MYO7A: variants seen among roughly 807,000 people sequenced by gnomAD.
MYO7A encodes the protein myosin VIIA.
Under a neutral mutation model 263.8 loss-of-function variants are expected in MYO7A, and 210 were observed. The ratio of observed to expected loss-of-function variants is 0.80; its 90% confidence interval spans 0.71 to 0.89. The LOEUF (loss-of-function observed/expected upper bound fraction) is 0.89, where lower values mean the gene tolerates loss of function less well. Among genes scored for constraint, MYO7A ranks in the 40% least tolerant of loss-of-function variants. The pLI is 0.00. For synonymous variants in MYO7A, 1,239 were observed against 1,197.3 expected, an observed-to-expected ratio of 1.03 and a Z score of -0.72; for missense variants, 2,820 against 2,968.3, an observed-to-expected ratio of 0.95 and a Z score of 1.16.
intron 46 of MYO7A, 124 bp downstream of exon 46, chr11:77,212,061 A>T (rs1957927028): frequency 1.1e-5 from 9 of 819,894 alleles, no homozygotes; most frequent in Admixed American, 2.0e-5. Flanking sequence ...TGAGGGAAGG[A>T]GGGCAGCACC....
In MYO7A at chr11:77,158,184, C is replaced by T. The variant is rs1290009971; in HGVS notation, c.850-93C>T. On this transcript the variant is annotated intron_variant, in intron 8 of 48. Transcript: ENST00000409709. Reference sequence around the variant, plus strand: ...CCCCGGGCTGGCCTGGCCTGTCAGGCAGAAAGGGCCTTTTGGGCAGGCAGC... The same window carrying T: ...CCCCGGGCTGGCCTGGCCTGTCAGGTAGAAAGGGCCTTTTGGGCAGGCAGC... The T allele has an allele frequency of 2.9e-6, 4 of 1,399,082 alleles. No individual in the cohort carries two copies. The East Asian group carries it at 1.1e-4, about 37-fold the overall frequency. The allele number at this position is 1,399,082 out of a possible 1,614,324, so 86.7% of individuals were successfully genotyped here.
rs376164547 is a variant in MYO7A at position 77,211,781 on chromosome 11, C to T, written c.6238-40C>T. 11 of 1,537,072 alleles carry T rather than the reference C, an allele frequency of 7.2e-6. No homozygotes were observed. In the South Asian group the frequency reaches 8.9e-5, roughly 13 times the overall value. ...CTGGCCTGCCCTGAGCAGGCCTGTC[C>T]CCAGGACTGAGCCCAGCCCTGACCG... On this transcript the variant is annotated intron_variant, in intron 45 of 48. Coordinates refer to ENST00000409709, the MANE Select transcript of MYO7A (RefSeq NM_000260.4).
Position 77,208,433 on chromosome 11 carries a change from C to G in MYO7A, c.5860C>G (p.Leu1954Val), listed in dbSNP as rs948962. 35 of 1,609,604 alleles carry G rather than the reference C, an allele frequency of 2.2e-5. No individual in the cohort carries two copies. In the Admixed American group the frequency reaches 5.9e-4, roughly 27 times the overall value. ...SLFVKIADKV[L>V]SVPENDFFFD... ...GCTTCGATGGCCCTGACCCCAGGTC[C>G]TCAGCGTTCCTGAGAATGACTTCTT... Residue 1954 changes from leucine (L) to valine (V), a missense_variant, in exon 43 of 49, where the codon CTC becomes GTC. Coordinates refer to ENST00000409709, the MANE Select transcript of MYO7A (RefSeq NM_000260.4).
At chr11:77,207,230 G>A (rs559760493) in intron 41 of MYO7A, 59 bp from the exon 42 acceptor site, 159 of 1,287,102 alleles carry the variant, frequency 1.2e-4, no homozygotes, top group African/African-American at 1.9e-4. Flanking sequence ...AGAGGGGCCC[G>A]GGAGGACCAG....
chr11:77,172,781 A>G lies in MYO7A; in HGVS notation c.1831A>G (p.Ser611Gly). The part of the protein sequence containing the change: ...AETRKRSPTL[S>G]SQFKRSLELL... Reference sequence around the variant, plus strand: ...GACCAGGAAGCGCTCGCCCACACTTAGCAGCCAGTTCAAGCGGTCACTGGA... The same window carrying G: ...GACCAGGAAGCGCTCGCCCACACTTGGCAGCCAGTTCAAGCGGTCACTGGA... Residue 611 changes from serine (S) to glycine (G), a missense_variant, in exon 16 of 49, where the codon AGC becomes GGC. Physicochemically the swap from Ser to Gly is moderately conservative, Grantham distance 56. Coordinates refer to ENST00000409709, the MANE Select transcript of MYO7A (RefSeq NM_000260.4). 6.4e-7 allele frequency: 1 copy of G among 1,560,202 alleles called. No individual in the cohort carries two copies. Among genetic ancestry groups the G allele is most frequent in the Non-Finnish European group, 8.7e-7 (1 of 1,152,630 alleles).
At chr11:77,156,158 CT>C (rs1952443075) in intron 5 of MYO7A, 67 bp downstream of exon 5, 1 of 1,543,486 alleles carries the variant, frequency 6.5e-7, no homozygotes, top group South Asian at 1.2e-5. Context: ...TGCGCTCCTG[CT>C]GATACCTCTA....
chr11:77,188,936 T>C (rs985548971), intron 27 of MYO7A, among the ~76,000 whole-genome samples: 1 of 152,158 alleles, frequency 6.6e-6, no homozygotes, highest in African/African-American at 2.4e-5. Context: ...CCTGCTGCCG[T>C]GACTATGGGC....
chr11:77,136,131 C>T (rs1950896228), intron 2 of MYO7A, among the ~76,000 whole-genome samples: 1 of 152,206 alleles, frequency 6.6e-6, no homozygotes, highest in Admixed American at 6.5e-5. Flanking sequence ...TTCATTTCTC[C>T]TTCCTTTGTG....
intron 8 of MYO7A, 54 bp from the exon 9 acceptor site, chr11:77,158,222 CT>C: frequency 6.6e-7 from 1 of 1,508,334 alleles, no homozygotes; most frequent in African/African-American, 1.4e-5. Flanking sequence ...GGCACTGCCC[CT>C]CTGGGGGTAC....
intron 18 of MYO7A, among the ~76,000 whole-genome samples, chr11:77,175,942 G>A (rs782369319): frequency 1.3e-5 from 2 of 152,250 alleles, no homozygotes; most frequent in Non-Finnish European, 2.9e-5. Flanking sequence ...TCCCATTGCT[G>A]CCTGGGCAGC....
intron 27 of MYO7A, 48 bp downstream of exon 27, chr11:77,184,763 G>A: frequency 1.3e-6 from 2 of 1,580,280 alleles, no homozygotes; most frequent in Non-Finnish European, 1.7e-6. Context: ...TCTTTTGGTG[G>A]CTGAGTGGTG....
At chr11:77,157,917 G>A (rs1438558898) in intron 8 of MYO7A, among the ~76,000 whole-genome samples, 2 of 152,158 alleles carry the variant, frequency 1.3e-5, no homozygotes, top group African/African-American at 4.8e-5. Flanking sequence ...CTAGGGGGTC[G>A]AGTCCCTGAT....
At chr11:77,210,659 C>T (rs1336064640) in intron 44 of MYO7A, among the ~76,000 whole-genome samples, 1 of 152,190 alleles carries the variant, frequency 6.6e-6, no homozygotes, top group Non-Finnish European at 1.5e-5. Flanking sequence ...GGCCCATTCC[C>T]CAGCCTAAGT....
chr11:77,177,590 C>T lies in MYO7A; in HGVS notation c.2229C>T (p.Ala743=), dbSNP rs781918416. ...TGCTGGAAGTGGAGCGGGACAAAGC[C>T]ATCACCGACAGAGTCATCCTCCTTC... ...DMLLEVERDK[A]ITDRVILLQK... is the part of the protein sequence containing the mutation. The change falls in exon 19 of 49, where the codon GCC becomes GCT. Residue 743 remains alanine (A), a synonymous_variant. Transcript: ENST00000409709. 1 of 1,612,346 alleles carries T rather than the reference C, an allele frequency of 6.2e-7. No individual in the cohort carries two copies. Among genetic ancestry groups the T allele is most frequent in the Non-Finnish European group, 8.5e-7 (1 of 1,179,456 alleles).
At position 77,163,474 on chromosome 11, in the gene MYO7A, C is replaced by G. The variant is rs1953216890; in HGVS notation, c.1690+486C>G. ...CCAGCCTACTACATAGCTAGGTTAT[C>G]TGGTATGGCCTATTGCCCTCAGGCT... On this transcript the variant is annotated intron_variant, in intron 14 of 48. Transcript: ENST00000409709. 2.6e-5 allele frequency among the ~76,000 whole-genome samples: 4 copies of G among 152,198 alleles called. 1 individual carries two copies. In the South Asian group the frequency reaches 8.3e-4, roughly 32 times the overall value.
In MYO7A at chr11:77,160,971, AG is replaced by A; in HGVS notation, c.1203del. On this transcript the variant is annotated splice_acceptor_variant, in intron 11 of 48. Coordinates refer to ENST00000409709, the MANE Select transcript of MYO7A (RefSeq NM_000260.4). LOFTEE classifies it high-confidence loss of function. ...TGCCAGTGGCTGATCACTGCCTTTC[AG>A]GGGATCTACGGGCGGCTGTTCGTGT... 6.3e-7 allele frequency: 1 copy of A among 1,597,170 alleles called. No individual in the cohort carries two copies. The highest frequency in any genetic ancestry group is 8.5e-7 in the Non-Finnish European group (1 of 1,172,640).
At chr11:77,213,673 C>T (rs1212352131) in intron 47 of MYO7A, among the ~76,000 whole-genome samples, 187 bp from the exon 48 acceptor site, 1 of 152,320 alleles carries the variant, frequency 6.6e-6, no homozygotes, top group East Asian at 1.9e-4. Flanking sequence ...CCTAGACTTC[C>T]TGGGTGTCCA....
In MYO7A at chr11:77,181,444, G is replaced by T. The variant is rs565162134; in HGVS notation, c.2759G>T (p.Arg920Leu). The T allele has an allele frequency of 1.3e-4, 201 of 1,605,048 alleles. No individual in the cohort carries two copies. Among genetic ancestry groups the T allele is most frequent in the Non-Finnish European group, 1.6e-4 (184 of 1,176,344 alleles). ...ERELKEKEAA[R>L]RKKELLEQME... is the part of the protein sequence containing the mutation. ...GAGCTGAAGGAGAAGGAGGCCGCTC[G>T]GCGGAAGAAGGAGCTCCTGGAGCAG... is the stretch of plus-strand genomic sequence containing the variant. The change falls in exon 23 of 49, where the codon CGG becomes CTG. Residue 920 changes from arginine (R) to leucine (L), a missense_variant. Arg to Leu is a moderately radical substitution (Grantham distance 102). Transcript: ENST00000409709.
chr11:77,184,488 A>C lies in MYO7A; in HGVS notation c.3376-100A>C, dbSNP rs1447194175. The C allele has an allele frequency of 4.0e-6, 4 of 1,008,328 alleles. No individual in the cohort carries two copies. The African/African-American group carries it at 6.4e-5, about 16-fold the overall frequency. The allele number at this position is 1,008,328 out of a possible 1,614,324, so 62.5% of individuals were successfully genotyped here. A position where few individuals can be genotyped will look rare whatever the true frequency, so the allele number is the denominator to read the frequency against. On this transcript the variant is annotated intron_variant, in intron 26 of 48. Transcript: ENST00000409709. ...CCCAGTTCTTCTGCTCACTCCTTAG[A>C]TTCTGTTTTCTGGGGAGCAGGCAGC...
Sources: allele counts gnomAD v4.1 joint callset (sites outside exome capture counted in the v4.1 genomes callset), GRCh38; gene constraint gnomAD v4.1.1; transcripts MANE v1.5; gene names NCBI Gene and HGNC (gene_info 2026-07-23, HGNC 2026-07-21).